Variants in MTHFD1L observed in about 807,000 individuals in gnomAD.
The protein encoded by MTHFD1L is monofunctional C1-tetrahydrofolate synthase, mitochondrial.
MTHFD1L carries 81 observed loss-of-function variants against 119.5 expected under a neutral mutation model. The ratio of observed to expected loss-of-function variants is 0.68; its 90% CI spans 0.57 to 0.82. The LOEUF is 0.82. MTHFD1L is among the 40% of genes least tolerant of loss of function. MTHFD1L has a pLI of 0.00. For synonymous variants in MTHFD1L, 430 were observed against 475.2 expected, an observed-to-expected ratio of 0.90 and a Z score of 1.24; for missense variants, 1,125 against 1,253.4, an observed-to-expected ratio of 0.90 and a Z score of 1.55.
intron 13 of MTHFD1L, among the ~76,000 whole-genome samples, chr6:150,941,392 G>A (rs1318385737): frequency 1.3e-5 from 2 of 152,214 alleles, no homozygotes; most frequent in African/African-American, 4.8e-5. Flanking sequence ...GCCAAGGTCA[G>A]CCATTGAAGG....
At chr6:151,090,994 GTTCC>G in intron 26 of MTHFD1L, among the ~76,000 whole-genome samples, 1 of 122,572 alleles carries the variant, frequency 8.2e-6, no homozygotes, top group Admixed American at 8.6e-5. Flanking sequence ...GTGCAGCATC[GTTCC>G]ATGCGACTGG....
chr6:150,921,362 C>T (rs149772362), intron 9 of MTHFD1L, among the ~76,000 whole-genome samples: 6 of 152,226 alleles, frequency 3.9e-5, no homozygotes, highest in East Asian at 1.9e-4. Flanking sequence ...CAGTTGATCC[C>T]GCCTACCTCA....
intron 26 of MTHFD1L, among the ~76,000 whole-genome samples, chr6:151,090,267 A>G (rs1036665936): frequency 2.0e-5 from 3 of 151,964 alleles, no homozygotes; most frequent in Non-Finnish European, 4.4e-5. Context: ...CGCTCTCACC[A>G]TTCCTTCTCT....
chr6:150,866,936 G>C (rs1778465761), intron 1 of MTHFD1L, among the ~76,000 whole-genome samples: 1 of 152,204 alleles, frequency 6.6e-6, no homozygotes, highest in African/African-American at 2.4e-5. Flanking sequence ...TCGGAACTGG[G>C]ATTAGGAACG....
chr6:150,946,493 G>A (rs1014848707), intron 15 of MTHFD1L, among the ~76,000 whole-genome samples: 6 of 152,126 alleles, frequency 3.9e-5, no homozygotes, highest in Admixed American at 6.5e-5. Context: ...TTATACTTGC[G>A]TATGCCATCT....
intron 17 of MTHFD1L, 86 bp downstream of exon 17, chr6:150,956,157 T>G: frequency 1.5e-6 from 2 of 1,364,076 alleles, no homozygotes; most frequent in Non-Finnish European, 2.1e-6. Flanking sequence ...CTTTCTTGTC[T>G]CATCCCCAAC....
intron 20 of MTHFD1L, among the ~76,000 whole-genome samples, chr6:150,992,190 TCG>T (rs1311432001): frequency 1.3e-5 from 2 of 152,206 alleles, no homozygotes; most frequent in African/African-American, 4.8e-5. Flanking sequence ...AAGGACTCCT[TCG>T]TCAGTAAGAG....
chr6:151,018,118 C>T (rs1783418133), intron 24 of MTHFD1L, among the ~76,000 whole-genome samples: 1 of 152,010 alleles, frequency 6.6e-6, no homozygotes, highest in Non-Finnish European at 1.5e-5. Flanking sequence ...TTTGTGGTTC[C>T]GATTCTGGCT....
intron 21 of MTHFD1L, 127 bp from the exon 22 acceptor site, chr6:151,013,652 T>G: frequency 1.1e-6 from 1 of 902,586 alleles, no homozygotes; most frequent in Non-Finnish European, 1.7e-6. Context: ...CCAGCTACTG[T>G]TTTAAAAGCA....
chr6:150,959,003 T>A (rs73017096), intron 17 of MTHFD1L, among the ~76,000 whole-genome samples: 16 of 152,304 alleles, frequency 1.1e-4, no homozygotes, highest in Non-Finnish European at 1.9e-4. Flanking sequence ...GTACAGAAAA[T>A]CTCCATATTT....
chr6:151,032,160 G>C (rs1400588338), intron 24 of MTHFD1L, among the ~76,000 whole-genome samples: 3 of 152,176 alleles, frequency 2.0e-5, no homozygotes, highest in Non-Finnish European at 4.4e-5. Context: ...CCATTACCCT[G>C]TGTTAGTTCA....
At chr6:150,932,816 G>GAGGAAGGAAGGAAAGGAAGGAAGGA (rs769300755) in intron 11 of MTHFD1L, among the ~76,000 whole-genome samples, 1 of 119,484 alleles carries the variant, frequency 8.4e-6, no homozygotes, top group African/African-American at 3.3e-5. Flanking sequence ...GAGAGGGAGG[G>GAGGAAGGAAGGAAAGGAAGGAAGGA]AGGAAGGAAG....
intron 5 of MTHFD1L, 101 bp downstream of exon 5, chr6:150,882,987 G>A: frequency 8.9e-7 from 1 of 1,128,342 alleles, no homozygotes; most frequent in Non-Finnish European, 1.2e-6. Context: ...TTTCAACTGT[G>A]TCAGTAATTG....
At chr6:150,911,864 G>T (rs1209381239) in intron 8 of MTHFD1L, among the ~76,000 whole-genome samples, 1 of 152,062 alleles carries the variant, frequency 6.6e-6, no homozygotes, top group Admixed American at 6.6e-5. Flanking sequence ...CTCATGAGAC[G>T]TATTTACTAC....
At chr6:150,917,695 T>C (rs1475592772) in intron 8 of MTHFD1L, among the ~76,000 whole-genome samples, 1 of 152,198 alleles carries the variant, frequency 6.6e-6, no homozygotes, top group Admixed American at 6.5e-5. Flanking sequence ...ATATACCTTA[T>C]CATATTTCAT....
intron 7 of MTHFD1L, among the ~76,000 whole-genome samples, chr6:150,894,766 G>A (rs1783944731): frequency 6.6e-6 from 1 of 152,212 alleles, no homozygotes; most frequent in African/African-American, 2.4e-5. Flanking sequence ...ATATTCTGTG[G>A]ACGCTGATTA....
intron 20 of MTHFD1L, among the ~76,000 whole-genome samples, chr6:150,986,947 CCCCCTCAG>C (rs1778390898): frequency 6.6e-6 from 1 of 152,106 alleles, no homozygotes; most frequent in African/African-American, 2.4e-5. Flanking sequence ...AGTGATCTGC[CCCCCTCAG>C]CCTCTCAAAG....
chr6:151,095,558 A>T (rs1794833197), intron 27 of MTHFD1L, among the ~76,000 whole-genome samples: 1 of 152,244 alleles, frequency 6.6e-6, no homozygotes, highest in Non-Finnish European at 1.5e-5. Flanking sequence ...CCTTAGCATT[A>T]TTAATGCATA....
At chr6:150,885,440 C>T (rs1731093441) in intron 5 of MTHFD1L, among the ~76,000 whole-genome samples, 194 bp from the exon 6 acceptor site, 1 of 152,204 alleles carries the variant, frequency 6.6e-6, no homozygotes, top group African/African-American at 2.4e-5. Flanking sequence ...ATGTGATCCA[C>T]CCGCCTCAGC....
Sources: gnomAD v4.1 joint callset for allele counts (sites outside exome capture counted in the v4.1 genomes callset) on GRCh38, gnomAD v4.1.1 for gene constraint, MANE v1.5 for transcripts, NCBI Gene and HGNC (gene_info 2026-07-23, HGNC 2026-07-21) for gene names.